The following SMAP2 variants were observed in gnomAD, a reference collection of about 807,000 sequenced individuals.
SMAP2 encodes stromal membrane-associated protein 2.
SMAP2 carries 25 observed loss-of-function variants against 56.4 expected under a neutral mutation model. The observed-to-expected ratio is 0.44, with a 90% CI of 0.32 to 0.62. The LOEUF (loss-of-function observed/expected upper bound fraction) is 0.62, where lower values mean the gene tolerates loss of function less well. SMAP2 is among the 20% of genes least tolerant of loss of function. The pLI is 0.04. For missense variants in SMAP2, 388 were observed against 545.6 expected (o/e 0.71, Z 2.88); for synonymous variants, 157 against 181.7 (o/e 0.86, Z 1.09).
chr1:40,351,026 C>T (rs955248107), intron 1 of SMAP2, among the ~76,000 whole-genome samples: 2 of 152,170 alleles, frequency 1.3e-5, no homozygotes, highest in Non-Finnish European at 2.9e-5. Flanking sequence ...TCCCTCCTTA[C>T]CCAGAATCAC....
intron 1 of SMAP2, among the ~76,000 whole-genome samples, chr1:40,361,146 C>T (rs1227378051): frequency 2.0e-5 from 3 of 152,178 alleles, no homozygotes; most frequent in Non-Finnish European, 2.9e-5. Flanking sequence ...ACTTGGATAC[C>T]AGTTCAGCCA....
At chr1:40,413,946 C>T (rs1386709315) in intron 5 of SMAP2, 5 of 515,388 alleles carry the variant, frequency 9.7e-6, no homozygotes, top group African/African-American at 3.9e-5. Context: ...CAATCACAGG[C>T]GATATCTTTG....
intron 2 of SMAP2, among the ~76,000 whole-genome samples, chr1:40,363,785 T>C (rs1644468611): frequency 6.6e-6 from 1 of 152,126 alleles, no homozygotes; most frequent in Admixed American, 6.5e-5. Context: ...ACTGGTGTGC[T>C]TGGGGGAAGG....
intron 2 of SMAP2, among the ~76,000 whole-genome samples, chr1:40,365,563 C>T (rs377296224): frequency 1.3e-4 from 20 of 152,276 alleles, no homozygotes; most frequent in East Asian, 7.7e-4. Context: ...GGAACAGCTC[C>T]GGTCTACAGC....
Position 40,392,293 on chromosome 1 carries a change from T to G in SMAP2, c.104-14443T>G, listed in dbSNP as rs138800093. 9.1e-4 allele frequency among the ~76,000 whole-genome samples: 139 copies of G among 152,058 alleles called. 1 individual carries two copies. The highest frequency in any genetic ancestry group is 3.2e-3 in the African/African-American group (134 of 41,540). On this transcript the variant is annotated intron_variant, in intron 1 of 9. Transcript: ENST00000372718. The stretch of plus-strand genomic sequence containing the variant: ...TCTCGCTGATTGGGGTAGAGTGTGT[T>G]CTGTGAGCATCTTTGCTGGGATGCT...
intron 1 of SMAP2, among the ~76,000 whole-genome samples, chr1:40,357,782 T>A (rs1644443216): frequency 6.6e-6 from 1 of 152,214 alleles, no homozygotes; most frequent in African/African-American, 2.4e-5. Flanking sequence ...TCCATTTGTC[T>A]ATATGTCCAT....
chr1:40,421,938 C>T, intron 9 of SMAP2, 38 bp from the exon 10 acceptor site: 1 of 1,613,620 alleles, frequency 6.2e-7, no homozygotes, highest in Non-Finnish European at 8.5e-7. Context: ...GGCGGAATGC[C>T]CACAGCCTGG....
intron 1 of SMAP2, 124 bp from the exon 2 acceptor site, chr1:40,406,609 AAAC>A: frequency 2.0e-6 from 2 of 1,012,830 alleles, no homozygotes; most frequent in Non-Finnish European, 2.9e-6. Flanking sequence ...CAGAGTCAAT[AAAC>A]AGGTGGTTAT....
chr1:40,400,010 A>G (rs1365437293), intron 1 of SMAP2, among the ~76,000 whole-genome samples: 3 of 152,206 alleles, frequency 2.0e-5, no homozygotes, highest in Non-Finnish European at 4.4e-5. Flanking sequence ...AGGGTAGAAG[A>G]GATGTTACAG....
chr1:40,394,227 A>G (rs1311590220), intron 1 of SMAP2, among the ~76,000 whole-genome samples: 1 of 152,094 alleles, frequency 6.6e-6, no homozygotes, highest in African/African-American at 2.4e-5. Flanking sequence ...TTCTCCTCTT[A>G]TGCGGTGTGT....
chr1:40,404,324 G>A (rs1426916014), intron 1 of SMAP2, among the ~76,000 whole-genome samples: 1 of 152,192 alleles, frequency 6.6e-6, no homozygotes, highest in Non-Finnish European at 1.5e-5. Flanking sequence ...GGGATGTCAG[G>A]TAGGGATTTG....
rs1311469555 is a variant in SMAP2, at chr1:40,347,240, GTTTTGTTTT to G, written c.-83+2332_-83+2340del. Among the ~76,000 whole-genome samples, 75 of 88,332 alleles carry G rather than the reference GTTTTGTTTT, an allele frequency of 8.5e-4. 1 individual carries two copies. The highest frequency in any genetic ancestry group is 1.7e-3 in the African/African-American group (42 of 24,858). 57.9% of individuals were successfully genotyped at this position (88,332 alleles called of 152,430 possible). A position where few individuals can be genotyped will look rare whatever the true frequency, so the allele number is the denominator to read the frequency against. On this transcript the variant is annotated intron_variant, in intron 1 of 6. Transcript: ENST00000435168. Reference sequence around the variant, plus strand: ...TGTGTGTGTGTGTTTGTGTGTGTGTGTTTTGTTTTTGTTTTTTTTTTTTTTTTTAAAGCA... The same window carrying G: ...TGTGTGTGTGTGTTTGTGTGTGTGTGTGTTTTTTTTTTTTTTTTTAAAGCA...
intron 1 of SMAP2, among the ~76,000 whole-genome samples, chr1:40,389,390 C>T (rs114766642): frequency 2.6e-5 from 4 of 152,224 alleles, no homozygotes; most frequent in Non-Finnish European, 4.4e-5. Flanking sequence ...ACTTAATGCA[C>T]GGTGTCTGGC....
Position 40,374,470 on chromosome 1 carries a change from C to A in SMAP2, c.103+247C>A, listed in dbSNP as rs1644521640. On this transcript the variant is annotated intron_variant, in intron 1 of 9. Transcript: ENST00000372718. This position sits in a 1 kb window ranked among gnomAD's most constrained non-coding sequence, Gnocchi z 5.9. ...GATGGTGCGGGTGGAAGTTGCCTGG[C>A]GTGTTCAGGTGAGAATGTCTGTATT... is the stretch of plus-strand genomic sequence containing the variant. 6.6e-6 allele frequency among the ~76,000 whole-genome samples: 1 copy of A among 151,782 alleles called. No individual in the cohort carries two copies. The highest frequency in any genetic ancestry group is 1.5e-5 in the Non-Finnish European group (1 of 67,956).
intron 1 of SMAP2, among the ~76,000 whole-genome samples, chr1:40,360,513 G>A (rs1644455446): frequency 6.6e-6 from 1 of 151,534 alleles, no homozygotes; most frequent in South Asian, 2.1e-4. Flanking sequence ...ATGTTGGCCA[G>A]GCTGGTCTCA....
chr1:40,358,813 G>A (rs983967350), intron 1 of SMAP2, among the ~76,000 whole-genome samples: 4 of 152,212 alleles, frequency 2.6e-5, no homozygotes, highest in African/African-American at 9.6e-5. Flanking sequence ...AGTGCTGAAA[G>A]TAGGGTGTTG....
intron 1 of SMAP2, among the ~76,000 whole-genome samples, chr1:40,346,462 C>T (rs115582802): frequency 0.072 from 10,966 of 151,718 alleles, 481 homozygotes; most frequent in Middle Eastern, 0.15. Context: ...CTCAACCTCC[C>T]GGCCTCAAGT....
At chr1:40,353,153 A>G (rs924445022) in intron 1 of SMAP2, among the ~76,000 whole-genome samples, 4 of 152,240 alleles carry the variant, frequency 2.6e-5, no homozygotes, top group African/African-American at 9.6e-5. Flanking sequence ...GTTTTGGCCA[A>G]GGAGTCTTAA....
At position 40,416,173 on chromosome 1, in the gene SMAP2, A is replaced by G. The variant is rs755864093; in HGVS notation, c.682-3A>G. ...ATTCTCCCCCCGCCCTCTTTGCCCT[A>G]AGGTTGTAGGTTCCATGCCAACTGC... On this transcript the variant is annotated splice_polypyrimidine_tract_variant and splice_region_variant and intron_variant, in intron 7 of 9. Coordinates refer to ENST00000372718, the MANE Select transcript of SMAP2 (RefSeq NM_022733.3). 4.3e-6 allele frequency: 7 copies of G among 1,612,484 alleles called. No homozygotes were observed. The highest frequency in any genetic ancestry group is 5.9e-6 in the Non-Finnish European group (7 of 1,179,258).
Sources: allele counts gnomAD v4.1 joint callset (sites outside exome capture counted in the v4.1 genomes callset), GRCh38; gene constraint gnomAD v4.1.1; non-coding constraint Gnocchi (gnomAD v3.1); transcripts MANE v1.5; gene names NCBI Gene and HGNC (gene_info 2026-07-23, HGNC 2026-07-21).